The following CDCP1 variants were observed in gnomAD, a reference collection of about 807,000 sequenced individuals.
CDCP1 encodes CUB domain containing protein 1, also known as CUB domain-containing protein 1.
A neutral mutation model predicts 60.2 loss-of-function variants in CDCP1; 29 were observed. The observed-to-expected ratio is 0.48, with a 90% CI of 0.36 to 0.66. The LOEUF is 0.66. Among genes scored for constraint, CDCP1 ranks in the 30% least tolerant of loss-of-function variants. The pLI, the probability that CDCP1 is intolerant of heterozygous loss-of-function variation, is 0.00. For synonymous variants in CDCP1, 387 were observed against 431.1 expected (o/e 0.90, Z 1.27); for missense variants, 876 against 1,074.3 (o/e 0.82, Z 2.58).
intron 4 of CDCP1, among the ~76,000 whole-genome samples, chr3:45,103,480 T>G (rs1352837634): frequency 6.6e-6 from 1 of 152,230 alleles, no homozygotes; most frequent in Non-Finnish European, 1.5e-5. Flanking sequence ...CATAGTTTCC[T>G]TTCTCTTGAG....
At chr3:45,095,894 C>T (rs942457828) in intron 4 of CDCP1, among the ~76,000 whole-genome samples, 2 of 152,050 alleles carry the variant, frequency 1.3e-5, no homozygotes, top group African/African-American at 4.8e-5. Flanking sequence ...AGGGACACGT[C>T]GGGAGAAAGT....
At chr3:45,089,560 A>G (rs1043463417) in intron 7 of CDCP1, among the ~76,000 whole-genome samples, 1 of 152,212 alleles carries the variant, frequency 6.6e-6, no homozygotes, top group Non-Finnish European at 1.5e-5. Flanking sequence ...TCTCCAAGCC[A>G]TCCTCTCTAC....
rs758201236 is a variant in CDCP1 at position 45,088,985 on chromosome 3, C to T, written c.2081+69G>A. 2.0e-5 allele frequency: 25 copies of T among 1,238,294 alleles called. No homozygotes were observed. In the South Asian group the frequency reaches 2.2e-4, roughly 11 times the overall value. 76.7% of individuals were successfully genotyped at this position (1,238,294 alleles called of 1,614,324 possible). The stretch of plus-strand genomic sequence containing the variant: ...GCAAGAAAACAAAGTCAATAATGAA[C>T]AATCCACCCAGTCTGTGTGATCTGA... On this transcript the variant is annotated intron_variant, in intron 8 of 8. Coordinates refer to ENST00000296129, the MANE Select transcript of CDCP1 (RefSeq NM_022842.5).
rs750147534 is a variant in CDCP1 at position 45,110,434 on chromosome 3, GC to G, written c.1024+38del. On this transcript the variant is annotated intron_variant, in intron 4 of 8. Transcript: ENST00000296129. ...AGACTACCCAGGAAACAACGAAGGT[GC>G]TGGAGGAGGAAGAAAAAGGAAAGTG... is the stretch of plus-strand genomic sequence containing the variant. 31 of 1,604,700 alleles carry G rather than the reference GC, an allele frequency of 1.9e-5. No individual in the cohort carries two copies. In the Admixed American group the frequency reaches 5.0e-4, roughly 26 times the overall value.
rs142575497 is a variant in CDCP1, at chr3:45,084,507, A to G, written c.*1131T>C. On this transcript the variant is annotated 3_prime_UTR_variant, in exon 9 of 9. Coordinates refer to ENST00000296129, the MANE Select transcript of CDCP1 (RefSeq NM_022842.5). ...AGGGAAGTGGGAGGGCCAGTGTCACAGTGATGCCATGTGAGAAAAGCTTGA... is the reference window on the plus strand; with the variant it reads ...AGGGAAGTGGGAGGGCCAGTGTCACGGTGATGCCATGTGAGAAAAGCTTGA... The G allele has an allele frequency of 5.8e-4, 88 of 152,306 alleles. 5 individuals carry two copies. In the East Asian group the frequency reaches 0.016, roughly 27 times the overall value. The allele number at this position is 152,306 out of a possible 1,614,324, so 9.4% of individuals were successfully genotyped here.
At chr3:45,105,925 T>C (rs1698557478) in intron 4 of CDCP1, among the ~76,000 whole-genome samples, 1 of 152,138 alleles carries the variant, frequency 6.6e-6, no homozygotes, top group Non-Finnish European at 1.5e-5. Context: ...TGAACTGAGC[T>C]CTCAGACACC....
Position 45,120,272 on chromosome 3 carries a change from C to T in CDCP1, c.83-1651G>A, listed in dbSNP as rs182292244. ...TTTCTGTCACCCTTTTCTTGTGCCT[C>T]TCTCTCCATTCTACACTCTGCTCCA... On this transcript the variant is annotated intron_variant, in intron 1 of 8. Transcript: ENST00000296129. 6.6e-3 allele frequency among the ~76,000 whole-genome samples: 1,011 copies of T among 152,066 alleles called. 11 individuals are homozygous for T. The highest frequency in any genetic ancestry group is 0.022 in the African/African-American group (917 of 41,442).
intron 1 of CDCP1, among the ~76,000 whole-genome samples, chr3:45,119,481 A>G (rs1698846436): frequency 6.6e-6 from 1 of 152,180 alleles, no homozygotes; most frequent in African/African-American, 2.4e-5. Context: ...GCCTGGGAAC[A>G]GCAGATGATG....
At chr3:45,146,122 T>A in intron 1 of CDCP1, 84 bp downstream of exon 1, 7 of 1,155,380 alleles carry the variant, frequency 6.1e-6, no homozygotes, top group Non-Finnish European at 8.5e-6. Context: ...GCACCCTGCG[T>A]CCCTCGGCCG....
intron 4 of CDCP1, among the ~76,000 whole-genome samples, chr3:45,098,236 T>C (rs964821043): frequency 2.6e-5 from 4 of 152,054 alleles, no homozygotes; most frequent in Non-Finnish European, 5.9e-5. Flanking sequence ...TCCCACCCTG[T>C]CACCCAGGCT....
chr3:45,126,605 A>G (rs548243597), intron 1 of CDCP1, among the ~76,000 whole-genome samples: 2 of 152,304 alleles, frequency 1.3e-5, no homozygotes, highest in South Asian at 2.1e-4. Context: ...TGATCTGCCT[A>G]CCTGGAAATA....
intron 1 of CDCP1, among the ~76,000 whole-genome samples, chr3:45,137,046 T>TAA (rs1699201953): frequency 6.6e-6 from 1 of 152,188 alleles, no homozygotes; most frequent in Non-Finnish European, 1.5e-5. Context: ...TTTAGATAAA[T>TAA]AATATATGAA....
intron 1 of CDCP1, among the ~76,000 whole-genome samples, chr3:45,137,652 C>CAAAAAAA (rs55725243): frequency 2.5e-5 from 3 of 118,162 alleles, no homozygotes; most frequent in Non-Finnish European, 3.4e-5. Context: ...ATTAAAAATA[C>CAAAAAAA]AAAAAAAAAA....
At chr3:45,102,729 T>C (rs1366878555) in intron 4 of CDCP1, among the ~76,000 whole-genome samples, 1 of 152,022 alleles carries the variant, frequency 6.6e-6, no homozygotes, top group Non-Finnish European at 1.5e-5. Context: ...CTGGAGTTTA[T>C]GGCTCACTGC....
intron 8 of CDCP1, among the ~76,000 whole-genome samples, chr3:45,088,685 C>T (rs544004524): frequency 5.3e-5 from 8 of 152,206 alleles, no homozygotes; most frequent in South Asian, 4.2e-4. Context: ...CTTAGGGTGA[C>T]GGAGGGAGTG....
In CDCP1 at chr3:45,095,292, G is replaced by T. The variant is rs1399893691; in HGVS notation, c.1246+55C>A. The T allele has an allele frequency of 7.2e-6, 11 of 1,518,612 alleles. No individual in the cohort carries two copies. In the East Asian group the frequency reaches 1.8e-4, roughly 25 times the overall value. 94.1% of individuals were successfully genotyped at this position (1,518,612 alleles called of 1,614,324 possible). Reference sequence around the variant, plus strand: ...CCAGGGAACCCCACTAAGGCAAGGCGGGGAGAGAAGAGCTATCCATGGCCA... The same window carrying T: ...CCAGGGAACCCCACTAAGGCAAGGCTGGGAGAGAAGAGCTATCCATGGCCA... On this transcript the variant is annotated intron_variant, in intron 5 of 8. Coordinates refer to ENST00000296129, the MANE Select transcript of CDCP1 (RefSeq NM_022842.5).
chr3:45,131,396 G>A (rs531219155), intron 1 of CDCP1, among the ~76,000 whole-genome samples: 1 of 152,136 alleles, frequency 6.6e-6, no homozygotes, highest in Non-Finnish European at 1.5e-5. Flanking sequence ...ACCACCATCC[G>A]CCTCTGGAAT....
At chr3:45,108,310 CG>C (rs1698606597) in intron 4 of CDCP1, among the ~76,000 whole-genome samples, 1 of 152,064 alleles carries the variant, frequency 6.6e-6, no homozygotes, top group African/African-American at 2.4e-5. Context: ...ATATTTCTGC[CG>C]CCAAGTCCAC....
chr3:45,112,483 G>A, intron 2 of CDCP1, 38 bp from the exon 3 acceptor site: 2 of 1,589,512 alleles, frequency 1.3e-6, no homozygotes, highest in Non-Finnish European at 1.7e-6. Context: ...GATCACAGAT[G>A]CTCCAAGGCC....
Sources: allele counts gnomAD v4.1 joint callset (sites outside exome capture counted in the v4.1 genomes callset), GRCh38; gene constraint gnomAD v4.1.1; transcripts MANE v1.5; gene names NCBI Gene and HGNC (gene_info 2026-07-23, HGNC 2026-07-21).